TUNAR: variants seen among roughly 807,000 people sequenced by gnomAD.
The protein encoded by TUNAR is transmembrane neural differentiation associated intracellular calcium regulator, also known as protein TUNAR.
At chr14:95,899,348 T>G in intron 2 of TUNAR, among the ~76,000 whole-genome samples, 1 of 152,136 alleles carries the variant, frequency 6.6e-6, no homozygotes, top group East Asian at 1.9e-4. Flanking sequence ...AAGCTCAGAC[T>G]TCTCCCTCTC....
At chr14:95,883,132 C>T (rs1185016544) in intron 2 of TUNAR, among the ~76,000 whole-genome samples, 2 of 152,206 alleles carry the variant, frequency 1.3e-5, no homozygotes, top group African/African-American at 2.4e-5. Flanking sequence ...TGTTCTTCAT[C>T]TGAAAAGGAG....
At chr14:95,901,407 C>T (rs570248275) in intron 2 of TUNAR, among the ~76,000 whole-genome samples, 21 of 152,344 alleles carry the variant, frequency 1.4e-4, no homozygotes, top group Admixed American at 5.2e-4. Flanking sequence ...GACCCTCCTT[C>T]TGTAAGCATT....
intron 2 of TUNAR, among the ~76,000 whole-genome samples, chr14:95,883,637 G>A (rs2139652228): frequency 1.3e-5 from 2 of 152,318 alleles, no homozygotes; most frequent in Middle Eastern, 6.8e-3. Context: ...CATACTTGGA[G>A]GCACGCTGGG....
At chr14:95,888,303 A>G (rs1301614849) in intron 2 of TUNAR, among the ~76,000 whole-genome samples, 1 of 152,256 alleles carries the variant, frequency 6.6e-6, no homozygotes, top group African/African-American at 2.4e-5. Context: ...TGTGTACAAT[A>G]GCTTGATAAA....
intron 2 of TUNAR, among the ~76,000 whole-genome samples, chr14:95,880,893 A>G (rs1422245363): frequency 1.3e-5 from 2 of 152,236 alleles, no homozygotes; most frequent in African/African-American, 4.8e-5. Context: ...GCAACTCTGC[A>G]AAGTAGACAT....
rs189625797 is a variant in TUNAR, at chr14:95,919,742, A to G, written c.13-3039A>G. On this transcript the variant is annotated intron_variant, in intron 2 of 2. Coordinates refer to ENST00000678517, the Ensembl canonical transcript of TUNAR. ...TAATAATAATAATAGTAATAATGAT[A>G]TATGTAGTTTAAAATGCACCCAAAA... Among the ~76,000 whole-genome samples the G allele has an allele frequency of 8.1e-4, 123 of 152,234 alleles. 2 individuals carry two copies. Among genetic ancestry groups the G allele is most frequent in the Non-Finnish European group, 1.4e-3 (97 of 68,018 alleles).
At chr14:95,908,566 A>C (rs1889462664) in intron 2 of TUNAR, among the ~76,000 whole-genome samples, 1 of 152,142 alleles carries the variant, frequency 6.6e-6, no homozygotes, top group South Asian at 2.1e-4. Flanking sequence ...ATCTGAGCTT[A>C]CTCTACTGTT....
intron 2 of TUNAR, among the ~76,000 whole-genome samples, chr14:95,918,396 C>T (rs750566410): frequency 2.6e-5 from 4 of 152,196 alleles, no homozygotes; most frequent in South Asian, 2.1e-4. Flanking sequence ...CTATGAGTCT[C>T]CTCCATCACT....
At chr14:95,901,258 C>T (rs924664388) in intron 2 of TUNAR, among the ~76,000 whole-genome samples, 42 of 152,284 alleles carry the variant, frequency 2.8e-4, no homozygotes, top group African/African-American at 9.4e-4. Context: ...CGGAAATGCT[C>T]GAGCAGAAAT....
At chr14:95,899,573 A>G (rs1889316113) in intron 2 of TUNAR, among the ~76,000 whole-genome samples, 1 of 152,178 alleles carries the variant, frequency 6.6e-6, no homozygotes, top group Non-Finnish European at 1.5e-5. Context: ...AACTACACAC[A>G]TTTATTTCTC....
rs78383167 is a variant in TUNAR at position 95,911,386 on chromosome 14, C to T, written c.13-11395C>T. On this transcript the variant is annotated intron_variant, in intron 2 of 2. Coordinates refer to ENST00000678517, the Ensembl canonical transcript of TUNAR. ...TCTCTGCAGTGCCCTGGGCCCTCATCACCATAGTGATCAATTTGTGTTTTC... is the reference window on the plus strand; with the variant it reads ...TCTCTGCAGTGCCCTGGGCCCTCATTACCATAGTGATCAATTTGTGTTTTC... 7.1e-3 allele frequency among the ~76,000 whole-genome samples: 1,082 copies of T among 152,366 alleles called. 42 individuals carry two copies. In the East Asian group the frequency reaches 0.094, roughly 13 times the overall value.
exon 3 of TUNAR, chr14:95,923,281 C>A: frequency 4.2e-6 from 1 of 240,300 alleles, no homozygotes; most frequent in Non-Finnish European, 7.9e-6. Flanking sequence ...TGCAGAAATT[C>A]ATTATTCCAG....
intron 2 of TUNAR, among the ~76,000 whole-genome samples, chr14:95,886,199 A>C (rs1889072796): frequency 6.6e-6 from 1 of 152,150 alleles, no homozygotes; most frequent in African/African-American, 2.4e-5. Context: ...CAGGGCACAC[A>C]TTTGCCCGCC....
intron 2 of TUNAR, among the ~76,000 whole-genome samples, chr14:95,902,112 G>T (rs1395627406): frequency 6.6e-6 from 1 of 152,124 alleles, no homozygotes; most frequent in Non-Finnish European, 1.5e-5. Context: ...GACAGAGAGG[G>T]GAGAGTAGCG....
intron 2 of TUNAR, among the ~76,000 whole-genome samples, chr14:95,881,435 G>C (rs1405565940): frequency 6.6e-6 from 1 of 152,170 alleles, no homozygotes; most frequent in Non-Finnish European, 1.5e-5. Flanking sequence ...TCGCTAGGCT[G>C]CTCCTCCTGA....
intron 2 of TUNAR, among the ~76,000 whole-genome samples, chr14:95,898,769 TTTTG>T (rs1163133260): frequency 2.0e-5 from 3 of 152,194 alleles, no homozygotes; most frequent in East Asian, 3.8e-4. Context: ...AATTAGAGCA[TTTTG>T]TTTGTTTGTT....
At chr14:95,905,142 C>T (rs1889411126) in intron 2 of TUNAR, among the ~76,000 whole-genome samples, 1 of 152,218 alleles carries the variant, frequency 6.6e-6, no homozygotes. Context: ...AAATTTTGAA[C>T]TAATGTAGAA....
At chr14:95,899,371 C>T (rs1376119288) in intron 2 of TUNAR, among the ~76,000 whole-genome samples, 2 of 152,186 alleles carry the variant, frequency 1.3e-5, no homozygotes, top group African/African-American at 2.4e-5. Context: ...AACAGGAGAC[C>T]CTCAGCTCTG....
intron 2 of TUNAR, among the ~76,000 whole-genome samples, chr14:95,894,896 G>T (rs1001483000): frequency 6.6e-6 from 1 of 152,238 alleles, no homozygotes; most frequent in African/African-American, 2.4e-5. Flanking sequence ...GCCACAGGTG[G>T]CTTCCTCTTG....
Sources: allele counts gnomAD v4.1 joint callset (sites outside exome capture counted in the v4.1 genomes callset), GRCh38; gene constraint gnomAD v4.1.1; transcripts MANE v1.5; gene names NCBI Gene and HGNC (gene_info 2026-07-23, HGNC 2026-07-21).